The following CNTNAP2 variants were observed in gnomAD, a reference collection of about 807,000 sequenced individuals.
CNTNAP2 encodes the protein contactin associated protein 2, also known as contactin-associated protein-like 2.
CNTNAP2 carries 98 observed loss-of-function variants against 155.2 expected under a neutral mutation model. The ratio of observed to expected loss-of-function variants is 0.63; its 90% confidence interval spans 0.54 to 0.75. The LOEUF is 0.75. Among genes scored for constraint, CNTNAP2 ranks in the 30% least tolerant of loss-of-function variants. The pLI is 0.00. For synonymous variants in CNTNAP2, 651 were observed against 631.2 expected (o/e 1.03, Z -0.47); for missense variants, 1,727 against 1,688.1 (o/e 1.02, Z -0.40).
rs939822471 is a variant in CNTNAP2 at position 147,359,659 on chromosome 7, C to A, written c.1499-35950C>A. Among the ~76,000 whole-genome samples the A allele has an allele frequency of 2.0e-5, 3 of 152,100 alleles. No individual in the cohort carries two copies. In the East Asian group the frequency reaches 5.8e-4, roughly 29 times the overall value. On this transcript the variant is annotated intron_variant, in intron 9 of 23. Transcript: ENST00000361727. Reference sequence around the variant, plus strand: ...GTTTAGCACACTGGGAACAGTGCTGCCCCAGGATCTTTGCACTTCCTGTTC... The same window carrying A: ...GTTTAGCACACTGGGAACAGTGCTGACCCAGGATCTTTGCACTTCCTGTTC...
chr7:147,125,171 C>T (rs1169868674), intron 6 of CNTNAP2, among the ~76,000 whole-genome samples: 2 of 152,008 alleles, frequency 1.3e-5, no homozygotes, highest in Admixed American at 1.3e-4. Flanking sequence ...TAAGCCACCC[C>T]ACCCAGCCCT....
At chr7:146,578,331 T>C (rs1798556645) in intron 1 of CNTNAP2, among the ~76,000 whole-genome samples, 1 of 152,082 alleles carries the variant, frequency 6.6e-6, no homozygotes, top group African/African-American at 2.4e-5. Context: ...CAGAGAACAT[T>C]TGAAGCACTC....
chr7:146,661,193 AC>A (rs1327005317), intron 1 of CNTNAP2, among the ~76,000 whole-genome samples: 2 of 152,116 alleles, frequency 1.3e-5, no homozygotes, highest in Admixed American at 1.3e-4. Context: ...TGTATCTGGT[AC>A]TTTATCATTT....
At chr7:147,147,357 A>G (rs767707286) in intron 8 of CNTNAP2, among the ~76,000 whole-genome samples, 6 of 152,188 alleles carry the variant, frequency 3.9e-5, no homozygotes, top group Non-Finnish European at 7.3e-5. Context: ...ATATCAGTAT[A>G]TAAATCTGCT....
At chr7:147,157,704 A>T (rs1257561082) in intron 8 of CNTNAP2, among the ~76,000 whole-genome samples, 1 of 152,120 alleles carries the variant, frequency 6.6e-6, no homozygotes, top group African/African-American at 2.4e-5. Flanking sequence ...GTTTTGCAAG[A>T]TCCTAGCCCA....
At chr7:147,930,258 C>T (rs1324491742) in intron 14 of CNTNAP2, among the ~76,000 whole-genome samples, 2 of 151,764 alleles carry the variant, frequency 1.3e-5, no homozygotes. Flanking sequence ...GACTAGACTC[C>T]CCAATCAAAA....
chr7:146,944,009 G>T (rs189591533), intron 3 of CNTNAP2, among the ~76,000 whole-genome samples: 174 of 151,758 alleles, frequency 1.1e-3, no homozygotes, highest in African/African-American at 3.3e-3. Flanking sequence ...CTTTACTTTT[G>T]TTTATATTTC....
At chr7:146,152,016 T>C (rs1798060100) in intron 1 of CNTNAP2, among the ~76,000 whole-genome samples, 1 of 151,768 alleles carries the variant, frequency 6.6e-6, no homozygotes, top group Non-Finnish European at 1.5e-5. Context: ...CTACTGAGTA[T>C]ATAGTCAAAG....
Position 147,062,189 on chromosome 7 carries a change from T to C in CNTNAP2, c.550+18135T>C, listed in dbSNP as rs187995419. 6.3e-4 allele frequency among the ~76,000 whole-genome samples: 72 copies of C among 114,758 alleles called. No homozygotes were observed. In the East Asian group the frequency reaches 0.019, roughly 31 times the overall value. 75.3% of individuals were successfully genotyped at this position (114,758 alleles called of 152,430 possible). ...AAAAAAACCAGTTCTTTATGATATA[T>C]ATAAAATTAAAACCATAGACAGTAC... On this transcript the variant is annotated intron_variant, in intron 4 of 23. Transcript: ENST00000361727.
At chr7:146,243,956 T>C (rs2462827) in intron 1 of CNTNAP2, among the ~76,000 whole-genome samples, 48,584 of 151,828 alleles carry the variant, frequency 0.32, 14,183 homozygotes, top group African/African-American at 0.78. Context: ...TTAGGGGCGG[T>C]GTGGGAACCT....
chr7:147,177,774 C>T (rs1584774159), intron 8 of CNTNAP2, among the ~76,000 whole-genome samples: 1 of 152,014 alleles, frequency 6.6e-6, no homozygotes, highest in East Asian at 1.9e-4. Context: ...TGAGGGAGAT[C>T]CAGTTTCAGC....
rs867563172 is a variant in CNTNAP2, at chr7:146,721,387, C to T, written c.98-52884C>T. On this transcript the variant is annotated intron_variant, in intron 1 of 23. Transcript: ENST00000361727. ...ACATTCTATATATACATTCTATATA[C>T]ATTCTATATACATTCTATATATATT... Among the ~76,000 whole-genome samples, 428 of 109,720 alleles carry T rather than the reference C, an allele frequency of 3.9e-3. 11 individuals are homozygous for T. Among genetic ancestry groups the T allele is most frequent in the African/African-American group, 0.018 (375 of 21,112 alleles). 72.0% of individuals were successfully genotyped at this position (109,720 alleles called of 152,430 possible).
At chr7:146,676,613 G>A (rs13228291) in intron 1 of CNTNAP2, among the ~76,000 whole-genome samples, 13 of 151,974 alleles carry the variant, frequency 8.6e-5, no homozygotes, top group African/African-American at 3.1e-4. Flanking sequence ...TAATAAAGAC[G>A]TACCTGAGAA....
intron 3 of CNTNAP2, among the ~76,000 whole-genome samples, chr7:147,023,815 C>T (rs1402054073): frequency 6.6e-6 from 1 of 152,200 alleles, no homozygotes; most frequent in African/African-American, 2.4e-5. Flanking sequence ...ATGTGCCAAA[C>T]TTATTTGGTT....
chr7:146,303,071 CAT>C (rs796149404), intron 1 of CNTNAP2, among the ~76,000 whole-genome samples: 22 of 128,156 alleles, frequency 1.7e-4, no homozygotes, highest in East Asian at 6.3e-4. Flanking sequence ...CCTTTGTGTG[CAT>C]GTGTGTGTGT....
chr7:146,326,171 C>A (rs1801093996), intron 1 of CNTNAP2, among the ~76,000 whole-genome samples: 1 of 152,188 alleles, frequency 6.6e-6, no homozygotes, highest in South Asian at 2.1e-4. Flanking sequence ...AGATCACACA[C>A]ACGCATACAC....
At chr7:146,156,737 G>A (rs13308909) in intron 1 of CNTNAP2, among the ~76,000 whole-genome samples, 1 of 151,992 alleles carries the variant, frequency 6.6e-6, no homozygotes, top group African/African-American at 2.4e-5. Context: ...TGAGTAGCTG[G>A]GATTACAGGC....
At chr7:148,075,577 A>G (rs1247511065) in intron 15 of CNTNAP2, among the ~76,000 whole-genome samples, 1 of 152,346 alleles carries the variant, frequency 6.6e-6, no homozygotes, top group East Asian at 1.9e-4. Context: ...GCACATTTGA[A>G]CAGCTCACTT....
chr7:147,884,657 A>G (rs1799576300), intron 13 of CNTNAP2, among the ~76,000 whole-genome samples: 1 of 152,218 alleles, frequency 6.6e-6, no homozygotes, highest in South Asian at 2.1e-4. Context: ...AAAAAAGAAT[A>G]AGGGCAAATT....
Sources: gnomAD v4.1 joint callset for allele counts (sites outside exome capture counted in the v4.1 genomes callset) on GRCh38, gnomAD v4.1.1 for gene constraint, MANE v1.5 for transcripts, NCBI Gene and HGNC (gene_info 2026-07-23, HGNC 2026-07-21) for gene names.